Variants in NTNG2 observed in about 807,000 individuals in gnomAD.
The protein encoded by NTNG2 is netrin G2, also known as netrin-G2.
In NTNG2, 15 loss-of-function variants were observed where a neutral mutation model predicts 47.6. The observed-to-expected ratio is 0.32, with a 90% CI of 0.21 to 0.49. NTNG2 has a LOEUF of 0.49. NTNG2 is among the 20% of genes least tolerant of loss of function. The pLI, the probability that NTNG2 is intolerant of heterozygous loss-of-function variation, is 0.99. For synonymous variants in NTNG2, 307 were observed against 324.6 expected (o/e 0.95, Z 0.58); for missense variants, 578 against 764.6 (o/e 0.76, Z 2.88).
intron 3 of NTNG2, among the ~76,000 whole-genome samples, chr9:132,224,934 T>C (rs988361072): frequency 6.6e-6 from 1 of 152,088 alleles, no homozygotes; most frequent in Non-Finnish European, 1.5e-5. Flanking sequence ...CTTTTTTTTT[T>C]CCTTTTGAGA....
intron 2 of NTNG2, among the ~76,000 whole-genome samples, chr9:132,179,784 A>T (rs988156431): frequency 3.3e-5 from 5 of 152,212 alleles, no homozygotes; most frequent in Admixed American, 1.3e-4. Flanking sequence ...TTGCACAGCC[A>T]AAACTAGGAT....
chr9:132,203,925 C>T (rs982955115), intron 3 of NTNG2, among the ~76,000 whole-genome samples: 2 of 152,200 alleles, frequency 1.3e-5, no homozygotes, highest in African/African-American at 4.8e-5. Context: ...GGAATGAGTT[C>T]CCCATTCCTG....
intron 3 of NTNG2, among the ~76,000 whole-genome samples, chr9:132,223,663 C>CT (rs903232891): frequency 4.6e-5 from 7 of 152,158 alleles, no homozygotes; most frequent in Non-Finnish European, 8.8e-5. Flanking sequence ...GAGTGAGACT[C>CT]TGTCTCAAAA....
At chr9:132,209,911 T>A (rs759512166) in intron 3 of NTNG2, among the ~76,000 whole-genome samples, 51 of 4,866 alleles carry the variant, frequency 0.01, no homozygotes, top group Middle Eastern at 0.062. Flanking sequence ...AAGATAGCTG[T>A]GGGGAGGGCG....
chr9:132,216,414 CTGTGTGTGTGTGTATGTGTGTGTG>C (rs1195673827), intron 3 of NTNG2, among the ~76,000 whole-genome samples: 15 of 110,330 alleles, frequency 1.4e-4, no homozygotes, highest in East Asian at 1.0e-3. Flanking sequence ...CTCTCTCTCT[CTGTGTGTGTGTGTATGTGTGTGTG>C]TGTGTGTGTG....
In NTNG2 at chr9:132,231,664, A is replaced by T. The variant is rs1841236994; in HGVS notation, c.1054+1069A>T. On this transcript the variant is annotated intron_variant, in intron 5 of 7. Coordinates refer to ENST00000393229, the MANE Select transcript of NTNG2 (RefSeq NM_032536.4). The surrounding 1 kb of genome is among the most constrained non-coding windows in gnomAD (Gnocchi z 4.1). ...CCAGGCATCAGCAGGTCCCAGAAAG[A>T]CCCCGACCCCAAAGGCCCTGTGGCC... 4.0e-6 allele frequency: 1 copy of T among 250,150 alleles called. No individual in the cohort carries two copies. Among genetic ancestry groups the T allele is most frequent in the Admixed American group, 5.3e-5 (1 of 18,776 alleles). The allele number at this position is 250,150 out of a possible 1,614,324, so 15.5% of individuals were successfully genotyped here.
chr9:132,194,613 G>A (rs1227960224), intron 2 of NTNG2, among the ~76,000 whole-genome samples: 1 of 152,342 alleles, frequency 6.6e-6, no homozygotes, highest in African/African-American at 2.4e-5. Flanking sequence ...ATCTGCTCTC[G>A]AGAAGGCTGG....
chr9:132,237,556 C>T (rs1841718349), intron 5 of NTNG2, among the ~76,000 whole-genome samples: 1 of 152,174 alleles, frequency 6.6e-6, no homozygotes, highest in Non-Finnish European at 1.5e-5. Flanking sequence ...CATCAGCCCT[C>T]CCTGACACCT....
chr9:132,176,173 A>AC (rs1419531377), intron 2 of NTNG2, among the ~76,000 whole-genome samples: 3 of 146,484 alleles, frequency 2.0e-5, no homozygotes, highest in Admixed American at 2.0e-4. Flanking sequence ...ATGTAGTGAG[A>AC]CCCCATCTCT....
At chr9:132,207,881 A>G (rs1421538362) in intron 3 of NTNG2, among the ~76,000 whole-genome samples, 1 of 152,190 alleles carries the variant, frequency 6.6e-6, no homozygotes, top group Non-Finnish European at 1.5e-5. Flanking sequence ...AGGCTGGCGG[A>G]TTGCTTGAGC....
chr9:132,242,386 T>G lies in NTNG2; in HGVS notation c.*275T>G. ...AGTTCCTTTTTTGTCTTTCTCTCTCTCTCTTTTTTTTTTTTTTTTTCTGGC... is the reference window on the plus strand; with the variant it reads ...AGTTCCTTTTTTGTCTTTCTCTCTCGCTCTTTTTTTTTTTTTTTTTCTGGC... On this transcript the variant is annotated 3_prime_UTR_variant, in exon 8 of 8. Transcript: ENST00000393229. This position sits in a 1 kb window ranked among gnomAD's most constrained non-coding sequence, Gnocchi z 5.9. The G allele has an allele frequency of 6.9e-6, 1 of 145,958 alleles. No homozygotes were observed. Among genetic ancestry groups the G allele is most frequent in the Non-Finnish European group, 1.4e-5 (1 of 69,762 alleles). 9.0% of individuals were successfully genotyped at this position (145,958 alleles called of 1,614,324 possible). A position where few individuals can be genotyped will look rare whatever the true frequency, so the allele number is the denominator to read the frequency against.
At chr9:132,167,828 C>T (rs181476703) in intron 2 of NTNG2, among the ~76,000 whole-genome samples, 1 of 152,146 alleles carries the variant, frequency 6.6e-6, no homozygotes, top group Non-Finnish European at 1.5e-5. Context: ...GTGGGCCGAG[C>T]CTGATGCCAT....
In NTNG2 at chr9:132,229,589, C is replaced by T. The variant is rs534978840; in HGVS notation, c.1031-983C>T. On this transcript the variant is annotated intron_variant, in intron 4 of 7. Coordinates refer to ENST00000393229, the MANE Select transcript of NTNG2 (RefSeq NM_032536.4). ...TCCCCACAGAGCCTCACTTGGTCACCACCCAGTCCTGGCCCTTGCTTACTG... is the reference window on the plus strand; with the variant it reads ...TCCCCACAGAGCCTCACTTGGTCACTACCCAGTCCTGGCCCTTGCTTACTG... Among the ~76,000 whole-genome samples the T allele has an allele frequency of 2.6e-5, 4 of 152,354 alleles. No homozygotes were observed. The South Asian group carries it at 8.3e-4, about 32-fold the overall frequency.
intron 2 of NTNG2, among the ~76,000 whole-genome samples, chr9:132,187,179 G>A (rs558372173): frequency 4.2e-4 from 64 of 152,386 alleles, no homozygotes; most frequent in Non-Finnish European, 7.2e-4. Flanking sequence ...GAGCAGGGGC[G>A]GTCGCCGTGG....
At chr9:132,167,192 A>G in intron 2 of NTNG2, 148 bp downstream of exon 2, 1 of 791,446 alleles carries the variant, frequency 1.3e-6, no homozygotes, top group Non-Finnish European at 2.0e-6. Context: ...GACCTGGACC[A>G]GGTCTTTGTC....
Position 132,208,299 on chromosome 9 carries a change from G to C in NTNG2, c.857+9690G>C, listed in dbSNP as rs1351793537. On this transcript the variant is annotated intron_variant, in intron 3 of 7. Coordinates refer to ENST00000393229, the MANE Select transcript of NTNG2 (RefSeq NM_032536.4). The surrounding 1 kb of genome is among the most constrained non-coding windows in gnomAD (Gnocchi z 4.0). The stretch of plus-strand genomic sequence containing the variant: ...AAGGACTCAGTGTGATGTGGCTGTG[G>C]TGGGTGAGTAAGATTCCAAAGAAGA... Among the ~76,000 whole-genome samples, 1 of 152,298 alleles carries C rather than the reference G, an allele frequency of 6.6e-6. No homozygotes were observed. The highest frequency in any genetic ancestry group is 2.4e-5 in the African/African-American group (1 of 41,560).
intron 2 of NTNG2, among the ~76,000 whole-genome samples, chr9:132,167,694 C>T (rs940961383): frequency 2.6e-5 from 4 of 152,162 alleles, no homozygotes; most frequent in African/African-American, 4.8e-5. Flanking sequence ...GACATTCAGG[C>T]GTTGTCCCTT....
chr9:132,180,536 G>A lies in NTNG2; in HGVS notation c.213+13492G>A, dbSNP rs1304666650. On this transcript the variant is annotated intron_variant, in intron 2 of 7. Transcript: ENST00000393229. The surrounding 1 kb of genome is among the most constrained non-coding windows in gnomAD (Gnocchi z 4.2). ...TCCTGGGGCTCAGCTCCTAGGGACGGGGCTCCCCCAGGCACTGGCTGCCAG... is the reference window on the plus strand; with the variant it reads ...TCCTGGGGCTCAGCTCCTAGGGACGAGGCTCCCCCAGGCACTGGCTGCCAG... 6.6e-6 allele frequency among the ~76,000 whole-genome samples: 1 copy of A among 152,218 alleles called. No homozygotes were observed.
intron 2 of NTNG2, among the ~76,000 whole-genome samples, chr9:132,185,495 G>A (rs574653578): frequency 5.9e-5 from 9 of 152,290 alleles, no homozygotes; most frequent in South Asian, 2.1e-4. Context: ...TCTTTGGGAA[G>A]GCTGCCTGGG....
Sources: gnomAD v4.1 joint callset for allele counts (sites outside exome capture counted in the v4.1 genomes callset) on GRCh38, gnomAD v4.1.1 for gene constraint, Gnocchi (gnomAD v3.1) non-coding constraint, MANE v1.5 for transcripts, NCBI Gene and HGNC (gene_info 2026-07-23, HGNC 2026-07-21) for gene names.